Variants in GNL3L observed in about 807,000 individuals in gnomAD.
GNL3L encodes the protein G protein nucleolar 3 like.
GNL3L carries 4 observed loss-of-function variants against 42.9 expected under a neutral mutation model. The observed-to-expected ratio is 0.09, with a 90% CI of 0.05 to 0.21. GNL3L has a LOEUF of 0.21. Among genes scored for constraint, GNL3L ranks in the 10% least tolerant of loss-of-function variants. The probability of loss-of-function intolerance (pLI) is 1.00; values close to 1 mark genes in which losing one functional copy is unlikely to be tolerated. For synonymous variants in GNL3L, 159 were observed against 176.3 expected (o/e 0.90, Z 0.78); for missense variants, 412 against 481.7 (o/e 0.86, Z 1.36).
intron 8 of GNL3L, 87 bp downstream of exon 8, chrX:54,544,413 A>C (rs1417867955): frequency 8.4e-6 from 4 of 474,694 alleles, no homozygotes; most frequent in Non-Finnish European, 1.5e-5. Flanking sequence ...TGGGACCTCC[A>C]GCCCTTTAGT....
intron 8 of GNL3L, 53 bp from the exon 9 acceptor site, chrX:54,548,176 G>A: frequency 9.1e-7 from 1 of 1,096,378 alleles, no homozygotes; most frequent in Non-Finnish European, 1.3e-6. Flanking sequence ...TCTGGGCTCA[G>A]ACCTCATCTG....
chrX:54,616,985 G>A (rs1330246917), intron 16 of GNL3L, among the ~76,000 whole-genome samples: 1 of 111,633 alleles, frequency 9.0e-6, no homozygotes, highest in Non-Finnish European at 1.9e-5. Context: ...TTTGTGTAGT[G>A]GGAAGCAACT....
At position 54,539,022 on chromosome X, in the gene GNL3L, C is replaced by CT. The variant is rs771772204; in HGVS notation, c.20-10dup. On this transcript the variant is annotated splice_polypyrimidine_tract_variant and intron_variant, in intron 2 of 15. Coordinates refer to ENST00000360845, the MANE Select transcript of GNL3L (RefSeq NM_001184819.2). ...TAGATGGATGACGGCTCTTTTCTTTCTTTTTTTTCTTTTGTAGAAAATAAA... is the reference window on the plus strand; with the variant it reads ...TAGATGGATGACGGCTCTTTTCTTTCTTTTTTTTTCTTTTGTAGAAAATAAA... 8.8e-5 allele frequency: 93 copies of CT among 1,056,133 alleles called. No individual in the cohort carries two copies. Among genetic ancestry groups the CT allele is most frequent in the Non-Finnish European group, 1.0e-4 (79 of 773,221 alleles). The allele number at this position is 1,056,133 out of a possible 1,213,427, so 87.0% of individuals were successfully genotyped here.
intron 16 of GNL3L, among the ~76,000 whole-genome samples, chrX:54,601,984 G>A (rs759295907): frequency 1.3e-4 from 14 of 111,393 alleles, no homozygotes; most frequent in Admixed American, 3.8e-4. Flanking sequence ...CTATACATTC[G>A]GTCATTAAAG....
At chrX:54,605,558 G>C (rs1382659316) in intron 16 of GNL3L, among the ~76,000 whole-genome samples, 1 of 111,619 alleles carries the variant, frequency 9.0e-6, no homozygotes, top group Non-Finnish European at 1.9e-5. Context: ...TAACTGTGCT[G>C]ATCTTAGAAA....
At chrX:54,571,936 G>A (rs1418999006), downstream of GNL3L, among the ~76,000 whole-genome samples, 4 of 107,654 alleles carry the variant, frequency 3.7e-5, no homozygotes, top group African/African-American at 1.3e-4. Flanking sequence ...ATGTTCTTTG[G>A]ATTTTTTGGA....
chrX:54,543,441 T>G (rs1019217170), intron 7 of GNL3L, 99 bp downstream of exon 7: 2 of 832,084 alleles, frequency 2.4e-6, no homozygotes, highest in African/African-American at 4.0e-5. Context: ...TCAGTGATAC[T>G]CATAATAGTC....
chrX:54,627,496 C>A, the GNL3L span, among the ~76,000 whole-genome samples: 3 of 110,230 alleles, frequency 2.7e-5, no homozygotes, highest in African/African-American at 6.6e-5. Context: ...TTTCTTTAAG[C>A]CTGTATTTTG....
intron 8 of GNL3L, 77 bp from the exon 9 acceptor site, chrX:54,548,152 C>T: frequency 3.6e-6 from 3 of 842,479 alleles, no homozygotes; most frequent in Non-Finnish European, 3.5e-6. Flanking sequence ...TAGGGAGGCC[C>T]TGAAAGTTGG....
At chrX:54,537,944 CT>C (rs1218100579) in intron 2 of GNL3L, among the ~76,000 whole-genome samples, 4 of 111,578 alleles carry the variant, frequency 3.6e-5, no homozygotes, top group Non-Finnish European at 7.5e-5. Flanking sequence ...TTTGGAAAAT[CT>C]TTTTTTCTCA....
chrX:54,548,167 C>A (rs372055693), intron 8 of GNL3L, 62 bp from the exon 9 acceptor site: 13 of 1,012,688 alleles, frequency 1.3e-5, no homozygotes, highest in East Asian at 1.3e-4. Flanking sequence ...AGTTGGAAAT[C>A]TGGGCTCAGA....
At position 54,541,264 on chromosome X, in the gene GNL3L, A is replaced by G; in HGVS notation, c.190-9A>G. ...TCAGCTCCAGTACCAGTGTGTGTTC[A>G]CTTGTTAGGTTGAGGAGATGAGGGA... On this transcript the variant is annotated splice_polypyrimidine_tract_variant and intron_variant, in intron 4 of 15. Transcript: ENST00000360845. 5 of 1,161,106 alleles carry G rather than the reference A, an allele frequency of 4.3e-6. No homozygotes were observed. The highest frequency in any genetic ancestry group is 5.9e-6 in the Non-Finnish European group (5 of 850,309).
chrX:54,532,525 G>C lies in GNL3L; in HGVS notation c.-42G>C. The C allele has an allele frequency of 8.8e-7, 1 of 1,135,964 alleles. No individual in the cohort carries two copies. The highest frequency in any genetic ancestry group is 1.2e-6 in the Non-Finnish European group (1 of 826,991). 93.6% of individuals were successfully genotyped at this position (1,135,964 alleles called of 1,213,427 possible). A position where few individuals can be genotyped will look rare whatever the true frequency, so the allele number is the denominator to read the frequency against. On this transcript the variant is annotated 5_prime_UTR_variant, in exon 2 of 16. Transcript: ENST00000360845. ...TTCTTCTCCCATTCTGACAGGAAGA[G>C]AGCAAGCAGATTTGAACCTATCTGC... is the stretch of plus-strand genomic sequence containing the variant.
At chrX:54,628,972 T>TTATAATTAAA in the GNL3L span, among the ~76,000 whole-genome samples, 6 of 105,432 alleles carry the variant, frequency 5.7e-5, no homozygotes, top group African/African-American at 2.1e-4. Context: ...TAAAATATAA[T>TTATAATTAAA]TATAAAATAT....
chrX:54,592,012 C>T (rs1287120738), intron 16 of GNL3L, among the ~76,000 whole-genome samples: 3 of 111,190 alleles, frequency 2.7e-5, no homozygotes, highest in African/African-American at 6.5e-5. Context: ...TTATAGTTTC[C>T]ATTATAGATA....
At chrX:54,553,365 C>T (rs763698156) in intron 13 of GNL3L, among the ~76,000 whole-genome samples, 67 of 111,551 alleles carry the variant, frequency 6.0e-4, no homozygotes, top group East Asian at 2.8e-4. Context: ...GTTGAGGAAG[C>T]GTTGGCTAGC....
Position 54,551,687 on chromosome X carries a change from T to A in GNL3L, c.983T>A (p.Leu328Gln), listed in dbSNP as rs1162809814. The A allele has an allele frequency of 8.3e-7, 1 of 1,211,513 alleles. No individual in the cohort carries two copies. Among genetic ancestry groups the A allele is most frequent in the Admixed American group, 2.2e-5 (1 of 46,029 alleles). ...ILRNCVHVQKLADPVTPVETI... is the reference protein window; with the variant it reads ...ILRNCVHVQKQADPVTPVETI... ...CGTAACTGCGTCCACGTGCAGAAGCTGGCAGACCCTGTGACCCCAGTGGAG... is the reference window on the plus strand; with the variant it reads ...CGTAACTGCGTCCACGTGCAGAAGCAGGCAGACCCTGTGACCCCAGTGGAG... Residue 328 changes from leucine (L) to glutamine (Q), a missense_variant, in exon 11 of 16, where the codon CTG becomes CAG. By Grantham distance (113) the Leu-to-Gln change is moderately radical. Coordinates refer to ENST00000360845, the MANE Select transcript of GNL3L (RefSeq NM_001184819.2).
intron 9 of GNL3L, 94 bp downstream of exon 9, chrX:54,548,467 C>A (rs41307642): frequency 0.012 from 8,335 of 719,297 alleles, 47 homozygotes; most frequent in Non-Finnish European, 0.015. Context: ...TTGTCTTTTG[C>A]GGGGAGAGAG....
chrX:54,585,693 T>A (rs911012994), intron 16 of GNL3L, among the ~76,000 whole-genome samples: 3 of 111,967 alleles, frequency 2.7e-5, no homozygotes, highest in African/African-American at 9.7e-5. Flanking sequence ...TTCAAAAAAC[T>A]CTTAATTTTG....
Sources: allele counts gnomAD v4.1 joint callset (sites outside exome capture counted in the v4.1 genomes callset), GRCh38; gene constraint gnomAD v4.1.1; transcripts MANE v1.5; gene names NCBI Gene and HGNC (gene_info 2026-07-23, HGNC 2026-07-21).